Variants in MITF observed in about 807,000 individuals in gnomAD.
MITF encodes melanocyte inducing transcription factor.
Under a neutral mutation model 60.5 loss-of-function variants are expected in MITF, and 17 were observed. The observed-to-expected ratio is 0.28, with a 90% confidence interval of 0.19 to 0.42. The LOEUF (loss-of-function observed/expected upper bound fraction) is 0.42. MITF is among the 10% of genes least tolerant of loss of function. The pLI, the probability that MITF is intolerant of heterozygous loss-of-function variation, is 1.00. For synonymous variants in MITF, 260 were observed against 248.5 expected, an observed-to-expected ratio of 1.05 and a Z score of -0.43; for missense variants, 622 against 683.5, an observed-to-expected ratio of 0.91 and a Z score of 1.00.
chr3:69,791,275 G>A (rs1310264028), intron 1 of MITF, among the ~76,000 whole-genome samples: 2 of 152,172 alleles, frequency 1.3e-5, no homozygotes, highest in Non-Finnish European at 2.9e-5. Context: ...TCCGGCCTCC[G>A]CAACTGTGAT....
At chr3:69,762,380 A>G (rs1205133254) in intron 1 of MITF, among the ~76,000 whole-genome samples, 1 of 152,256 alleles carries the variant, frequency 6.6e-6, no homozygotes, top group Non-Finnish European at 1.5e-5. Flanking sequence ...ATTCTCATCC[A>G]TACCAAGAAA....
intron 1 of MITF, among the ~76,000 whole-genome samples, chr3:69,743,144 C>T (rs1461733293): frequency 6.6e-6 from 1 of 152,168 alleles, no homozygotes; most frequent in African/African-American, 2.4e-5. Flanking sequence ...GGATGTCCAG[C>T]AGCATCCCTG....
intron 1 of MITF, among the ~76,000 whole-genome samples, chr3:69,780,941 A>G (rs1001133183): frequency 1.3e-5 from 2 of 152,156 alleles, no homozygotes; most frequent in Non-Finnish European, 2.9e-5. Context: ...TTTGGAGACA[A>G]CCTACCACTG....
In MITF at chr3:69,956,503, G is replaced by A. The variant is rs1362047425; in HGVS notation, c.1004G>A (p.Gly335Asp). Reference sequence around the variant, plus strand: ...ATAAATGACCGCATTAAAGAACTAGGTACTTTGATTCCCAAGTCAAATGAT... The same window carrying A: ...ATAAATGACCGCATTAAAGAACTAGATACTTTGATTCCCAAGTCAAATGAT... ...FNINDRIKEL[G>D]TLIPKSNDPD... is the part of the protein sequence containing the mutation. Residue 335 changes from glycine to aspartate, a missense_variant, in exon 8 of 10, where the codon GGT (glycine) becomes GAT (aspartate). Gly to Asp is a moderately conservative substitution (Grantham distance 94, BLOSUM62 -1). Transcript: ENST00000352241. 6.2e-7 allele frequency: 1 copy of A among 1,613,518 alleles called. No individual in the cohort carries two copies.
intron 1 of MITF, among the ~76,000 whole-genome samples, chr3:69,870,712 G>A (rs1175777441): frequency 6.6e-6 from 1 of 152,012 alleles, no homozygotes; most frequent in Non-Finnish European, 1.5e-5. Context: ...ATGGCAGTCT[G>A]GGTGTCTAAC....
intron 2 of MITF, among the ~76,000 whole-genome samples, chr3:69,904,785 A>G (rs1346332593): frequency 6.6e-6 from 1 of 152,158 alleles, no homozygotes; most frequent in Admixed American, 6.5e-5. Context: ...GTTCATAGAC[A>G]GAGAAAAAAA....
At chr3:69,821,037 G>A (rs1045352959) in intron 1 of MITF, among the ~76,000 whole-genome samples, 2 of 152,076 alleles carry the variant, frequency 1.3e-5, no homozygotes, top group African/African-American at 4.8e-5. Context: ...ACATTTTCCA[G>A]CAATTTGAGC....
chr3:69,933,644 C>T (rs912964443), intron 2 of MITF, among the ~76,000 whole-genome samples: 3 of 152,098 alleles, frequency 2.0e-5, no homozygotes, highest in Non-Finnish European at 4.4e-5. Flanking sequence ...TAAGTTATAT[C>T]AATAAATAAT....
In MITF at chr3:69,959,403, T is replaced by C; in HGVS notation, c.1162T>C (p.Leu388=). 1 of 1,613,880 alleles carries C rather than the reference T, an allele frequency of 6.2e-7. No individual in the cohort carries two copies. Among genetic ancestry groups the C allele is most frequent in the Non-Finnish European group, 8.5e-7 (1 of 1,179,850 alleles). Residue 388 remains leucine, a synonymous_variant, in exon 9 of 10, where the codon TTG becomes CTG. Transcript: ENST00000352241. ...QKKLEHANRH[L]LLRIQELEMQ... ...GAAACTGGAGCACGCCAACCGGCATTTGTTGCTCAGAATACAGGTACGCAG... is the reference window on the plus strand; with the variant it reads ...GAAACTGGAGCACGCCAACCGGCATCTGTTGCTCAGAATACAGGTACGCAG...
At chr3:69,847,447 A>G (rs2063751590) in intron 1 of MITF, among the ~76,000 whole-genome samples, 1 of 152,212 alleles carries the variant, frequency 6.6e-6, no homozygotes, top group South Asian at 2.1e-4. Flanking sequence ...TCTTATTTGC[A>G]TAACTCATTT....
At chr3:69,825,354 A>G (rs544486967) in intron 1 of MITF, among the ~76,000 whole-genome samples, 1 of 152,306 alleles carries the variant, frequency 6.6e-6, no homozygotes, top group African/African-American at 2.4e-5. Context: ...GAAGTTTGCC[A>G]TTATCTGTAA....
intron 9 of MITF, among the ~76,000 whole-genome samples, chr3:69,963,970 CTTTTT>C (rs56921812): frequency 1.2e-5 from 1 of 86,112 alleles, no homozygotes; most frequent in Non-Finnish European, 2.1e-5. Flanking sequence ...TTTTTCTTTT[CTTTTT>C]TTTTTTTTTT....
At chr3:69,839,086 T>G (rs1252232724) in intron 1 of MITF, among the ~76,000 whole-genome samples, 1 of 152,152 alleles carries the variant, frequency 6.6e-6, no homozygotes, top group South Asian at 2.1e-4. Flanking sequence ...ACCTGCACAG[T>G]TTTTCATTTT....
chr3:69,906,456 A>G (rs1055701688), intron 2 of MITF, among the ~76,000 whole-genome samples: 5 of 152,280 alleles, frequency 3.3e-5, no homozygotes, highest in South Asian at 4.1e-4. Context: ...TATGATGTCA[A>G]TCATTGGAGG....
intron 5 of MITF, among the ~76,000 whole-genome samples, chr3:69,945,333 T>C (rs2066068478): frequency 6.6e-6 from 1 of 152,196 alleles, no homozygotes; most frequent in African/African-American, 2.4e-5. Flanking sequence ...CTTTCATCTG[T>C]CCATGGTGCA....
At chr3:69,839,926 G>A (rs1480805048) in intron 1 of MITF, among the ~76,000 whole-genome samples, 1 of 142,276 alleles carries the variant, frequency 7.0e-6, no homozygotes, top group Non-Finnish European at 1.5e-5. Context: ...AAACCCTGTT[G>A]CAAGGGCTGT....
intron 1 of MITF, 105 bp from the exon 2 acceptor site, chr3:69,879,029 C>A: frequency 1.2e-6 from 1 of 866,894 alleles, no homozygotes; most frequent in Non-Finnish European, 2.0e-6. Context: ...ATTATATTTG[C>A]GCAGACTCAT....
At chr3:69,870,061 C>T (rs2064194296) in intron 1 of MITF, among the ~76,000 whole-genome samples, 1 of 151,534 alleles carries the variant, frequency 6.6e-6, no homozygotes, top group Non-Finnish European at 1.5e-5. Context: ...TTTTCTTCAC[C>T]TAGAACCACC....
intron 1 of MITF, among the ~76,000 whole-genome samples, chr3:69,797,464 T>A (rs1052911046): frequency 6.6e-6 from 1 of 152,232 alleles, no homozygotes; most frequent in African/African-American, 2.4e-5. Flanking sequence ...AAAGATTTTC[T>A]ATTTTGGTGG....
Sources: gnomAD v4.1 joint callset for allele counts (sites outside exome capture counted in the v4.1 genomes callset) on GRCh38, gnomAD v4.1.1 for gene constraint, MANE v1.5 for transcripts, NCBI Gene and HGNC (gene_info 2026-07-23, HGNC 2026-07-21) for gene names.